GRM8: variants seen among roughly 807,000 people sequenced by gnomAD.
GRM8 encodes glutamate metabotropic receptor 8, also known as metabotropic glutamate receptor 8.
A neutral mutation model predicts 87.2 loss-of-function variants in GRM8; 47 were observed. That is an observed-to-expected ratio of 0.54 (90% CI 0.43 to 0.69). The LOEUF (loss-of-function observed/expected upper bound fraction) is 0.69, where lower values mean the gene tolerates loss of function less well. Among genes scored for constraint, GRM8 ranks in the 30% least tolerant of loss-of-function variants. The pLI is 0.00. For synonymous variants in GRM8, 396 were observed against 404.5 expected (o/e 0.98, Z 0.25); for missense variants, 1,019 against 1,139.2 (o/e 0.89, Z 1.52).
intron 6 of GRM8, among the ~76,000 whole-genome samples, chr7:126,786,490 A>G (rs933692836): frequency 6.6e-6 from 1 of 152,160 alleles, no homozygotes; most frequent in Admixed American, 6.6e-5. Context: ...TTCATTCATC[A>G]TTTTATTTCC....
At chr7:127,171,580 T>C (rs929225068) in intron 2 of GRM8, among the ~76,000 whole-genome samples, 2 of 152,222 alleles carry the variant, frequency 1.3e-5, no homozygotes, top group African/African-American at 4.8e-5. Flanking sequence ...CAAGACTCAC[T>C]GAAGCCTTAG....
At chr7:127,101,540 A>G (rs1825253167) in intron 3 of GRM8, among the ~76,000 whole-genome samples, 1 of 152,022 alleles carries the variant, frequency 6.6e-6, no homozygotes, top group South Asian at 2.1e-4. Flanking sequence ...CCCCATTCCC[A>G]ACTCTCTCTT....
intron 3 of GRM8, among the ~76,000 whole-genome samples, chr7:127,038,843 T>A (rs1429406597): frequency 6.6e-6 from 1 of 152,176 alleles, no homozygotes; most frequent in East Asian, 1.9e-4. Context: ...CAACTAGAAA[T>A]AATGACAGTG....
At chr7:127,166,434 A>C (rs1793456401) in intron 2 of GRM8, among the ~76,000 whole-genome samples, 2 of 152,162 alleles carry the variant, frequency 1.3e-5, no homozygotes, top group African/African-American at 4.8e-5. Flanking sequence ...AACTCAGATT[A>C]ATAAACCTCG....
intron 7 of GRM8, among the ~76,000 whole-genome samples, chr7:126,634,021 A>G (rs1271955357): frequency 6.6e-6 from 1 of 152,106 alleles, no homozygotes; most frequent in Non-Finnish European, 1.5e-5. Flanking sequence ...TATATTAGTT[A>G]TCTTTTACAG....
intron 8 of GRM8, among the ~76,000 whole-genome samples, chr7:126,564,552 A>C (rs1794028217): frequency 6.6e-6 from 1 of 152,238 alleles, no homozygotes; most frequent in African/African-American, 2.4e-5. Flanking sequence ...TGAAGTCTGA[A>C]CATACCTTTA....
chr7:127,216,003 T>G (rs2283100), intron 2 of GRM8, among the ~76,000 whole-genome samples: 1 of 152,128 alleles, frequency 6.6e-6, no homozygotes, highest in Non-Finnish European at 1.5e-5. Flanking sequence ...CAGAGAGAGC[T>G]TTGCCACTTT....
chr7:126,717,411 G>A (rs530439725), intron 7 of GRM8, among the ~76,000 whole-genome samples: 74 of 152,158 alleles, frequency 4.9e-4, no homozygotes, highest in African/African-American at 1.7e-3. Context: ...GGGAGTAAGC[G>A]GGCTCACCAG....
intron 6 of GRM8, among the ~76,000 whole-genome samples, chr7:126,900,959 C>G (rs1703691533): frequency 6.6e-6 from 1 of 152,114 alleles, no homozygotes; most frequent in Non-Finnish European, 1.5e-5. Context: ...GAGCAATTCT[C>G]TAGATGAAGA....
intron 3 of GRM8, among the ~76,000 whole-genome samples, chr7:126,978,542 G>C (rs1443328024): frequency 6.6e-6 from 1 of 152,148 alleles, no homozygotes; most frequent in Non-Finnish European, 1.5e-5. Flanking sequence ...ACTCTCTAAG[G>C]GTACCTTGGT....
At chr7:126,464,056 G>A (rs1804210844) in intron 9 of GRM8, among the ~76,000 whole-genome samples, 1 of 151,542 alleles carries the variant, frequency 6.6e-6, no homozygotes, top group African/African-American at 2.4e-5. Context: ...GAGCATTTGA[G>A]TATCTTCTTC....
chr7:126,918,148 G>A (rs993310868), intron 3 of GRM8, among the ~76,000 whole-genome samples: 1 of 152,200 alleles, frequency 6.6e-6, no homozygotes, highest in African/African-American at 2.4e-5. Context: ...TTTGGCAACT[G>A]TAAGTAAGAT....
At chr7:127,027,318 G>C (rs1331900516) in intron 3 of GRM8, among the ~76,000 whole-genome samples, 1 of 152,094 alleles carries the variant, frequency 6.6e-6, no homozygotes, top group African/African-American at 2.4e-5. Flanking sequence ...GGCTATGCAG[G>C]CTCTTTTTTG....
intron 3 of GRM8, among the ~76,000 whole-genome samples, chr7:127,030,872 C>T: frequency 6.6e-6 from 1 of 152,070 alleles, no homozygotes; most frequent in East Asian, 1.9e-4. Context: ...CTCTTTTTCA[C>T]CAGGCTTCTA....
intron 3 of GRM8, among the ~76,000 whole-genome samples, chr7:127,024,607 A>G (rs1230768552): frequency 1.3e-5 from 2 of 152,088 alleles, no homozygotes; most frequent in African/African-American, 4.8e-5. Flanking sequence ...CAGAGACTTC[A>G]CACTGAGAAT....
At chr7:126,471,270 C>T (rs1805182872) in intron 9 of GRM8, among the ~76,000 whole-genome samples, 1 of 152,154 alleles carries the variant, frequency 6.6e-6, no homozygotes, top group Non-Finnish European at 1.5e-5. Flanking sequence ...TTGCCCATGC[C>T]TATGTCCTGA....
intron 7 of GRM8, among the ~76,000 whole-genome samples, chr7:126,696,931 T>C (rs1412868999): frequency 6.6e-6 from 1 of 152,108 alleles, no homozygotes; most frequent in Non-Finnish European, 1.5e-5. Flanking sequence ...CAATGTTCGT[T>C]GCAGCACTAT....
chr7:126,657,667 T>C lies in GRM8; in HGVS notation c.1358-48169A>G, dbSNP rs78388616. Among the ~76,000 whole-genome samples, 217 of 152,338 alleles carry C rather than the reference T, an allele frequency of 1.4e-3. 1 individual carries two copies. The highest frequency in any genetic ancestry group is 5.0e-3 in the African/African-American group (210 of 41,592). ...TAGGAAGAAAGTGTTTGCCTAAACATAACAGGTCAAAAGTATAAATTCAGT... is the reference window on the plus strand; with the variant it reads ...TAGGAAGAAAGTGTTTGCCTAAACACAACAGGTCAAAAGTATAAATTCAGT... On this transcript the variant is annotated intron_variant, in intron 7 of 10. Transcript: ENST00000339582.
At chr7:126,818,962 T>A (rs1794033871) in intron 6 of GRM8, among the ~76,000 whole-genome samples, 1 of 152,108 alleles carries the variant, frequency 6.6e-6, no homozygotes, top group Non-Finnish European at 1.5e-5. Context: ...CCAACCCCTG[T>A]CACTTCCACC....
Sources: allele counts gnomAD v4.1 joint callset (sites outside exome capture counted in the v4.1 genomes callset), GRCh38; gene constraint gnomAD v4.1.1; transcripts MANE v1.5; gene names NCBI Gene and HGNC (gene_info 2026-07-23, HGNC 2026-07-21).